The following C1orf87 variants were observed in gnomAD, a reference collection of about 807,000 sequenced individuals.
C1orf87 encodes chromosome 1 open reading frame 87, also known as uncharacterized protein C1orf87.
C1orf87 carries 58 observed loss-of-function variants against 60.5 expected under a neutral mutation model. That is an observed-to-expected ratio of 0.96 (90% CI 0.78 to 1.19). The LOEUF (loss-of-function observed/expected upper bound fraction) is 1.19. Ranked by LOEUF, C1orf87 falls within the 50% of genes most tolerant of loss-of-function variation. C1orf87 has a pLI of 0.00. For synonymous variants in C1orf87, 236 were observed against 227.4 expected, an observed-to-expected ratio of 1.04 and a Z score of -0.34; for missense variants, 673 against 638.6, an observed-to-expected ratio of 1.05 and a Z score of -0.58.
chr1:60,005,593 G>A lies in C1orf87; in HGVS notation c.1193-4437C>T, dbSNP rs576510630. ...AGCTGTGAAAATATATGGATAAAGA[G>A]CATTGGAGGAAAATGTTACAGCAAA... is the stretch of plus-strand genomic sequence containing the variant. On this transcript the variant is annotated intron_variant, in intron 9 of 11. Transcript: ENST00000371201. Among the ~76,000 whole-genome samples, 234 of 152,228 alleles carry A rather than the reference G, an allele frequency of 1.5e-3. 3 individuals are homozygous for A. The highest frequency in any genetic ancestry group is 1.2e-3 in the Non-Finnish European group (79 of 67,990).
chr1:60,042,694 T>C (rs1645334972), intron 3 of C1orf87, among the ~76,000 whole-genome samples: 1 of 152,238 alleles, frequency 6.6e-6, no homozygotes, highest in Non-Finnish European at 1.5e-5. Context: ...CTAGCAACCT[T>C]TTACATTTGG....
intron 3 of C1orf87, among the ~76,000 whole-genome samples, chr1:60,048,233 G>A (rs1427648387): frequency 6.6e-6 from 1 of 152,184 alleles, no homozygotes; most frequent in Non-Finnish European, 1.5e-5. Flanking sequence ...CACACCCCTA[G>A]AGAGAAGCCC....
At chr1:60,021,253 T>C (rs1041761878) in intron 8 of C1orf87, among the ~76,000 whole-genome samples, 4 of 152,198 alleles carry the variant, frequency 2.6e-5, no homozygotes, top group African/African-American at 9.6e-5. Context: ...AACAGACTAA[T>C]ACAGCCAAGA....
chr1:60,006,513 T>C (rs901045352), intron 9 of C1orf87, among the ~76,000 whole-genome samples: 1 of 151,970 alleles, frequency 6.6e-6, no homozygotes, highest in Admixed American at 6.6e-5. Context: ...GTTTGAGGGG[T>C]GTCAATGAGC....
chr1:60,007,392 G>A (rs2100251875), intron 9 of C1orf87, among the ~76,000 whole-genome samples: 1 of 151,908 alleles, frequency 6.6e-6, no homozygotes, highest in Non-Finnish European at 1.5e-5. Flanking sequence ...TATTCCATTT[G>A]ATTCCTTTTA....
chr1:60,020,591 A>G (rs761120870), intron 8 of C1orf87, among the ~76,000 whole-genome samples: 2 of 152,150 alleles, frequency 1.3e-5, no homozygotes, highest in Non-Finnish European at 2.9e-5. Flanking sequence ...TGGGGTCTGT[A>G]GCTCCTTTCT....
chr1:60,061,831 G>A (rs948824407), intron 2 of C1orf87, among the ~76,000 whole-genome samples: 25 of 144,988 alleles, frequency 1.7e-4, no homozygotes, highest in Admixed American at 1.7e-3. Flanking sequence ...CACACCTGTA[G>A]TTCCAGCTAC....
chr1:60,057,971 C>T (rs1401726396), intron 2 of C1orf87, among the ~76,000 whole-genome samples: 2 of 152,192 alleles, frequency 1.3e-5, no homozygotes, highest in Non-Finnish European at 2.9e-5. Context: ...GACAGTGAGG[C>T]TCACACAGAA....
intron 9 of C1orf87, among the ~76,000 whole-genome samples, chr1:60,005,849 C>A (rs781317547): frequency 1.3e-5 from 2 of 148,262 alleles, no homozygotes; most frequent in Non-Finnish European, 3.0e-5. Context: ...CTTCATTATC[C>A]CCTTCTGAAG....
intron 9 of C1orf87, among the ~76,000 whole-genome samples, chr1:60,006,618 T>C (rs1035228262): frequency 1.5e-4 from 23 of 152,186 alleles, no homozygotes; most frequent in African/African-American, 5.5e-4. Flanking sequence ...TCTTCTTCTC[T>C]CTTGTTCACA....
At chr1:60,046,573 G>A (rs1228527746) in intron 3 of C1orf87, among the ~76,000 whole-genome samples, 1 of 151,292 alleles carries the variant, frequency 6.6e-6, no homozygotes, top group Non-Finnish European at 1.5e-5. Flanking sequence ...CAAGTAGTTA[G>A]GACTAGAGGT....
At position 60,035,045 on chromosome 1, in the gene C1orf87, C is replaced by A. The variant is rs1645265854; in HGVS notation, c.864-1404G>T. 2.0e-5 allele frequency among the ~76,000 whole-genome samples: 3 copies of A among 152,102 alleles called. No individual in the cohort carries two copies. The Middle Eastern group carries it at 0.01, about 517-fold the overall frequency. On this transcript the variant is annotated intron_variant, in intron 6 of 11. Coordinates refer to ENST00000371201, the MANE Select transcript of C1orf87 (RefSeq NM_152377.3). The stretch of plus-strand genomic sequence containing the variant: ...TTTGGTACAGAGAAGGAATAGTGGG[C>A]ACGTGCATTTATTTTGGTCACCAAC...
At chr1:59,997,875 T>C in intron 10 of C1orf87, 59 bp from the exon 11 acceptor site, 3 of 1,536,174 alleles carry the variant, frequency 2.0e-6, no homozygotes, top group Non-Finnish European at 2.7e-6. Context: ...CTCCAATCTC[T>C]TGGCCAAAGA....
chr1:60,000,414 C>T (rs1644993805), intron 10 of C1orf87, among the ~76,000 whole-genome samples: 1 of 152,056 alleles, frequency 6.6e-6, no homozygotes, highest in Non-Finnish European at 1.5e-5. Context: ...AGAGGCTTGC[C>T]AAAATGGGTA....
At position 60,001,168 on chromosome 1, in the gene C1orf87, T is replaced by C; in HGVS notation, c.1193-12A>G. 7.8e-7 allele frequency: 1 copy of C among 1,290,062 alleles called. No homozygotes were observed. Among genetic ancestry groups the C allele is most frequent in the Non-Finnish European group, 1.0e-6 (1 of 963,162 alleles). 79.9% of individuals were successfully genotyped at this position (1,290,062 alleles called of 1,614,324 possible). On this transcript the variant is annotated splice_polypyrimidine_tract_variant and intron_variant, in intron 9 of 11. Coordinates refer to ENST00000371201, the MANE Select transcript of C1orf87 (RefSeq NM_152377.3). The stretch of plus-strand genomic sequence containing the variant: ...CTTTTCATTCTTCCCTGAACAAGAA[T>C]AAAAAAAAAAAAAGGAAGGGTTTAG...
chr1:60,001,007 C>A (rs1301111758), intron 10 of C1orf87, 70 bp downstream of exon 10: 10 of 1,265,048 alleles, frequency 7.9e-6, no homozygotes, highest in Non-Finnish European at 9.1e-6. Context: ...AGAGCCCCAT[C>A]CAGCATCAGA....
intron 8 of C1orf87, among the ~76,000 whole-genome samples, chr1:60,018,527 T>C (rs1050483766): frequency 6.6e-6 from 1 of 152,228 alleles, no homozygotes; most frequent in Non-Finnish European, 1.5e-5. Flanking sequence ...CAATTTTTAA[T>C]CAACAAATAT....
intron 2 of C1orf87, among the ~76,000 whole-genome samples, chr1:60,059,298 C>G (rs566942059): frequency 1.8e-4 from 27 of 152,226 alleles, no homozygotes; most frequent in African/African-American, 5.8e-4. Context: ...GGAAAAACGC[C>G]ATCAATACTA....
At chr1:60,055,011 G>A (rs571448775) in intron 3 of C1orf87, among the ~76,000 whole-genome samples, 193 bp downstream of exon 3, 20 of 151,880 alleles carry the variant, frequency 1.3e-4, no homozygotes, top group African/African-American at 4.6e-4. Flanking sequence ...CTCCGTTGGT[G>A]GTCAGCAAAG....
Sources: gnomAD v4.1 joint callset for allele counts (sites outside exome capture counted in the v4.1 genomes callset) on GRCh38, gnomAD v4.1.1 for gene constraint, MANE v1.5 for transcripts, NCBI Gene and HGNC (gene_info 2026-07-23, HGNC 2026-07-21) for gene names.